PCDHA6: variants seen among roughly 807,000 people sequenced by gnomAD.
The protein encoded by PCDHA6 is protocadherin alpha-6.
Under a neutral mutation model 60.3 loss-of-function variants are expected in PCDHA6, and 55 were observed. That is an observed-to-expected ratio of 0.91 (90% CI 0.73 to 1.14). PCDHA6 has a LOEUF of 1.14. Ranked by LOEUF, PCDHA6 falls within the 50% of genes most tolerant of loss-of-function variation. PCDHA6 has a pLI of 0.00. For synonymous variants in PCDHA6, 652 were observed against 557.9 expected (o/e 1.17, Z -2.38); for missense variants, 1,327 against 1,256.5 (o/e 1.06, Z -0.85).
rs183844925 is a variant in PCDHA6, at chr5:140,839,263, T to C, written c.2394+8778T>C. Among the ~76,000 whole-genome samples the C allele has an allele frequency of 3.7e-4, 56 of 152,234 alleles. 2 individuals carry two copies. Among genetic ancestry groups the C allele is most frequent in the African/African-American group, 1.3e-3 (52 of 41,512 alleles). On this transcript the variant is annotated intron_variant, in intron 1 of 3. Transcript: ENST00000529310. ...CTTTGCTTTTATGCTTACATGCATG[T>C]ATATTTAAAACCTTCCTAGCATATT...
At chr5:140,862,076 C>A (rs782160778) in intron 1 of PCDHA6, 1 of 157,430 alleles carries the variant, frequency 6.4e-6, no homozygotes, top group Non-Finnish European at 1.4e-5. Context: ...TCTCCCCTAA[C>A]ATAGAAGCCC....
rs1775694591 is a variant in PCDHA6 at position 140,838,348 on chromosome 5, T to C, written c.2394+7863T>C. ...CATGTTGCCCCGGCTGGTCTCGAAA[T>C]CTGGGACTCAAGTGATCTGACTGCC... On this transcript the variant is annotated intron_variant, in intron 1 of 3. Coordinates refer to ENST00000529310, the MANE Select transcript of PCDHA6 (RefSeq NM_018909.4). Among the ~76,000 whole-genome samples the C allele has an allele frequency of 1.3e-5, 2 of 150,108 alleles. 1 individual carries two copies. The highest frequency in any genetic ancestry group is 4.9e-5 in the African/African-American group (2 of 40,592).
At chr5:141,006,375 CTAAG>C (rs2098270775) in intron 3 of PCDHA6, among the ~76,000 whole-genome samples, 1 of 151,930 alleles carries the variant, frequency 6.6e-6, no homozygotes, top group Admixed American at 6.6e-5. Flanking sequence ...CCACGCCCGG[CTAAG>C]TTTTTTCTAT....
intron 1 of PCDHA6, among the ~76,000 whole-genome samples, chr5:140,922,214 C>T (rs1554200731): frequency 1.3e-5 from 2 of 152,004 alleles, no homozygotes; most frequent in African/African-American, 4.8e-5. Context: ...CTTTGTAAAA[C>T]ATTTGAACCT....
intron 1 of PCDHA6, among the ~76,000 whole-genome samples, chr5:140,889,692 T>C (rs1237047126): frequency 1.3e-5 from 2 of 152,202 alleles, no homozygotes; most frequent in Non-Finnish European, 1.5e-5. Context: ...TTTAGTATTA[T>C]GGGCATATTC....
intron 1 of PCDHA6, chr5:140,929,687 C>T (rs2086294433): frequency 3.5e-6 from 1 of 288,138 alleles, no homozygotes; most frequent in African/African-American, 2.2e-5. Flanking sequence ...ATGTAAGAGT[C>T]TGCTTTATAT....
At chr5:140,996,832 T>G (rs1338616787) in intron 3 of PCDHA6, among the ~76,000 whole-genome samples, 1 of 152,212 alleles carries the variant, frequency 6.6e-6, no homozygotes, top group African/African-American at 2.4e-5. Flanking sequence ...TACCAATAAT[T>G]TAGCGTGCAT....
chr5:140,847,902 T>G (rs753467196), intron 1 of PCDHA6: 1 of 149,888 alleles, frequency 6.7e-6, no homozygotes, highest in South Asian at 2.1e-4. Context: ...ATCAGTAGAT[T>G]TCTGGGCTCC....
At position 140,903,777 on chromosome 5, in the gene PCDHA6, T is replaced by C. The variant is rs80247548; in HGVS notation, c.2394+73292T>C. On this transcript the variant is annotated intron_variant, in intron 1 of 3. Transcript: ENST00000529310. ...GATTTTTGCTGAACTTTTCTATCCA[T>C]AAACTATCTATGGTTGTAATTGACA... 8.0e-3 allele frequency among the ~76,000 whole-genome samples: 1,216 copies of C among 152,334 alleles called. 6 individuals are homozygous for C. The highest frequency in any genetic ancestry group is 0.019 in the African/African-American group (784 of 41,582).
At chr5:140,926,618 G>T in intron 1 of PCDHA6, 1 of 382,578 alleles carries the variant, frequency 2.6e-6, no homozygotes, top group Non-Finnish European at 4.6e-6. Flanking sequence ...TGCACCCCTA[G>T]GCGGCGCTGC....
At chr5:140,881,330 G>A (rs2153378633) in intron 1 of PCDHA6, 1 of 984,626 alleles carries the variant, frequency 1.0e-6, no homozygotes, top group Non-Finnish European at 1.2e-6. Context: ...ATTTAACCAG[G>A]ACGCCGATTC....
At chr5:140,835,399 A>T (rs1562344982) in intron 1 of PCDHA6, 1 of 1,613,824 alleles carries the variant, frequency 6.2e-7, no homozygotes, top group Non-Finnish European at 8.5e-7. Context: ...GTTCTTGTGG[A>T]AGTTGTGGAT....
At position 140,843,462 on chromosome 5, in the gene PCDHA6, C is replaced by A. The variant is rs557665140; in HGVS notation, c.2394+12977C>A. The A allele has an allele frequency of 3.1e-6, 5 of 1,595,930 alleles. 1 individual carries two copies. In the African/African-American group the frequency reaches 5.4e-5, roughly 17 times the overall value. On this transcript the variant is annotated intron_variant, in intron 1 of 3. Coordinates refer to ENST00000529310, the MANE Select transcript of PCDHA6 (RefSeq NM_018909.4). ...GCGGTATCCAGCCTGCTGGTGCTCACGCTGCTGCTGTACACTGCGCTGCGG... is the reference window on the plus strand; with the variant it reads ...GCGGTATCCAGCCTGCTGGTGCTCAAGCTGCTGCTGTACACTGCGCTGCGG...
chr5:140,944,689 A>T (rs1360975363), intron 1 of PCDHA6, among the ~76,000 whole-genome samples: 1 of 152,226 alleles, frequency 6.6e-6, no homozygotes, highest in Non-Finnish European at 1.5e-5. Context: ...TCCTATTAAT[A>T]ACAGTAATTA....
chr5:140,857,017 T>C (rs1432761936), intron 1 of PCDHA6: 1 of 1,596,216 alleles, frequency 6.3e-7, no homozygotes, highest in African/African-American at 1.3e-5. Flanking sequence ...ATGTTACAGA[T>C]AAGGGAAACC....
rs1342030965 is a variant in PCDHA6 at position 140,955,208 on chromosome 5, C to G, written c.2395-23741C>G. ...GGTGTATATGAAGTCAATCAAGTAG[C>G]ATGATGCCTCCAGCTTTGTTCTTTT... On this transcript the variant is annotated intron_variant, in intron 1 of 3. Transcript: ENST00000529310. 2.6e-5 allele frequency among the ~76,000 whole-genome samples: 4 copies of G among 152,140 alleles called. No individual in the cohort carries two copies. In the East Asian group the frequency reaches 7.7e-4, roughly 29 times the overall value.
At chr5:140,962,841 A>G (rs1298725922) in intron 1 of PCDHA6, among the ~76,000 whole-genome samples, 3 of 152,210 alleles carry the variant, frequency 2.0e-5, no homozygotes, top group African/African-American at 7.2e-5. Flanking sequence ...TTTTTATTAT[A>G]TAACTTGTGC....
In PCDHA6 at chr5:140,924,908, AAAT is replaced by A. The variant is rs1554202345; in HGVS notation, c.2395-54038_2395-54036del. ...AGAACCTGTCTCAAAAAAAAAAATA[AAAT>A]AAAATAAAATAAAATAAAATAAAAT... On this transcript the variant is annotated intron_variant, in intron 1 of 3. Coordinates refer to ENST00000529310, the MANE Select transcript of PCDHA6 (RefSeq NM_018909.4). Among the ~76,000 whole-genome samples the A allele has an allele frequency of 9.0e-4, 53 of 58,926 alleles. 1 individual carries two copies. The highest frequency in any genetic ancestry group is 2.8e-3 in the African/African-American group (51 of 18,360). The allele number at this position is 58,926 out of a possible 152,430, so 38.7% of individuals were successfully genotyped here. A position where few individuals can be genotyped will look rare whatever the true frequency, so the allele number is the denominator to read the frequency against.
intron 1 of PCDHA6, chr5:140,842,220 G>A: frequency 1.2e-6 from 2 of 1,613,146 alleles, no homozygotes; most frequent in Non-Finnish European, 1.7e-6. Flanking sequence ...CGAAATACGG[G>A]AGAAATAGTG....
Sources: allele counts gnomAD v4.1 joint callset (sites outside exome capture counted in the v4.1 genomes callset), GRCh38; gene constraint gnomAD v4.1.1; transcripts MANE v1.5; gene names NCBI Gene and HGNC (gene_info 2026-07-23, HGNC 2026-07-21).